The following PDE4D variants were observed in gnomAD, a reference collection of about 807,000 sequenced individuals.
The protein encoded by PDE4D is 3',5'-cyclic-AMP phosphodiesterase 4D.
Under a neutral mutation model 87.4 loss-of-function variants are expected in PDE4D, and 24 were observed. The ratio of observed to expected loss-of-function variants is 0.27; its 90% confidence interval spans 0.20 to 0.39. PDE4D has a LOEUF of 0.39. Ranked by LOEUF, PDE4D falls within the 10% of genes least tolerant of loss-of-function variation. The pLI is 1.00. For missense variants in PDE4D, 714 were observed against 1,041.0 expected (o/e 0.69, Z 4.32); for synonymous variants, 384 against 383.2 (o/e 1.00, Z -0.02).
At chr5:59,681,619 G>A (rs1749020028) in intron 1 of PDE4D, among the ~76,000 whole-genome samples, 1 of 152,002 alleles carries the variant, frequency 6.6e-6, no homozygotes, top group South Asian at 2.1e-4. Context: ...AATGAGTTTG[G>A]GCCAGGTGCG....
chr5:60,336,827 C>T (rs1757794101), intron 1 of PDE4D, among the ~76,000 whole-genome samples: 1 of 152,036 alleles, frequency 6.6e-6, no homozygotes, highest in Admixed American at 6.6e-5. Context: ...GGTTGGGTTG[C>T]CAGATAAAAT....
chr5:60,249,663 T>C (rs1748204125), intron 1 of PDE4D, among the ~76,000 whole-genome samples: 1 of 152,010 alleles, frequency 6.6e-6, no homozygotes, highest in Non-Finnish European at 1.5e-5. Flanking sequence ...AAATGAATAT[T>C]CCAAACCTAT....
chr5:59,801,386 C>G (rs528501832), intron 1 of PDE4D, among the ~76,000 whole-genome samples: 1 of 152,312 alleles, frequency 6.6e-6, no homozygotes, highest in Non-Finnish European at 1.5e-5. Context: ...ATTAGACTTA[C>G]TGACACCATC....
At chr5:59,209,140 C>T (rs750542544) in intron 2 of PDE4D, among the ~76,000 whole-genome samples, 16 of 152,124 alleles carry the variant, frequency 1.1e-4, no homozygotes, top group Non-Finnish European at 1.8e-4. Context: ...TAACTCCTAA[C>T]AAAATTCTCT....
intron 1 of PDE4D, among the ~76,000 whole-genome samples, chr5:59,387,237 T>C (rs1393351338): frequency 2.6e-5 from 4 of 152,190 alleles, no homozygotes; most frequent in African/African-American, 4.8e-5. Context: ...TTCCTGGATA[T>C]TTACAATATT....
chr5:59,633,520 T>G (rs1831841404), intron 1 of PDE4D, among the ~76,000 whole-genome samples: 1 of 152,162 alleles, frequency 6.6e-6, no homozygotes, highest in African/African-American at 2.4e-5. Context: ...GGGAAGCCCA[T>G]CAGACTAACA....
intron 3 of PDE4D, among the ~76,000 whole-genome samples, chr5:59,958,365 G>A (rs1759092228): frequency 6.6e-6 from 1 of 151,990 alleles, no homozygotes; most frequent in Non-Finnish European, 1.5e-5. Context: ...CTTCCAAAAG[G>A]ATATATTACC....
At chr5:60,061,399 G>A (rs1056427937) in intron 2 of PDE4D, among the ~76,000 whole-genome samples, 1 of 152,068 alleles carries the variant, frequency 6.6e-6, no homozygotes, top group African/African-American at 2.4e-5. Context: ...TCTTCAAGGA[G>A]AACTACAAAC....
At position 59,100,418 on chromosome 5, in the gene PDE4D, T is replaced by C. The variant is rs77916855; in HGVS notation, c.809-61447A>G. ...TTCTTTCGTTTATGGAGATTCCAAATGGTCTCCAAGGTATATGTCAATTAT... is the reference window on the plus strand; with the variant it reads ...TTCTTTCGTTTATGGAGATTCCAAACGGTCTCCAAGGTATATGTCAATTAT... On this transcript the variant is annotated intron_variant, in intron 5 of 14. Coordinates refer to ENST00000340635, the MANE Select transcript of PDE4D (RefSeq NM_001104631.2). Among the ~76,000 whole-genome samples, 483 of 152,288 alleles carry C rather than the reference T, an allele frequency of 3.2e-3. 1 individual carries two copies. Among genetic ancestry groups the C allele is most frequent in the African/African-American group, 0.011 (470 of 41,548 alleles).
intron 1 of PDE4D, among the ~76,000 whole-genome samples, chr5:60,476,306 G>T (rs946387800): frequency 6.6e-6 from 1 of 152,188 alleles, no homozygotes; most frequent in Non-Finnish European, 1.5e-5. Flanking sequence ...CCACAGGCTC[G>T]ACTTGGCAGA....
chr5:59,978,256 C>T (rs1318577515), intron 3 of PDE4D, among the ~76,000 whole-genome samples: 1 of 152,114 alleles, frequency 6.6e-6, no homozygotes. Context: ...AAGTCGAAAA[C>T]TTTCTGGACA....
At chr5:60,099,811 G>C (rs754020510) in intron 2 of PDE4D, among the ~76,000 whole-genome samples, 1 of 151,894 alleles carries the variant, frequency 6.6e-6, no homozygotes, top group Non-Finnish European at 1.5e-5. Context: ...ACTATAAAGG[G>C]AAATCTGGAA....
chr5:60,459,380 G>T (rs1368223833), intron 1 of PDE4D, among the ~76,000 whole-genome samples: 1 of 151,948 alleles, frequency 6.6e-6, no homozygotes, highest in Non-Finnish European at 1.5e-5. Flanking sequence ...ATCCCATTTT[G>T]TTTTTTAGTT....
intron 1 of PDE4D, among the ~76,000 whole-genome samples, chr5:60,229,071 T>C (rs1745499273): frequency 1.3e-5 from 2 of 152,150 alleles, no homozygotes; most frequent in South Asian, 4.1e-4. Flanking sequence ...AGTCTGCTGA[T>C]ACATCTAGAT....
intron 5 of PDE4D, among the ~76,000 whole-genome samples, chr5:59,093,559 T>G (rs908721992): frequency 2.6e-5 from 4 of 152,156 alleles, no homozygotes; most frequent in African/African-American, 9.6e-5. Flanking sequence ...ATCATGACCT[T>G]GGGGAAACAT....
At chr5:59,274,518 T>C (rs1764439407) in intron 1 of PDE4D, among the ~76,000 whole-genome samples, 1 of 152,148 alleles carries the variant, frequency 6.6e-6, no homozygotes, top group Non-Finnish European at 1.5e-5. Context: ...GTGTGAGGTA[T>C]GATTATTTCC....
chr5:59,290,335 T>A lies in PDE4D; in HGVS notation c.456-74367A>T, dbSNP rs112932866. Among the ~76,000 whole-genome samples, 50 of 152,132 alleles carry A rather than the reference T, an allele frequency of 3.3e-4. 2 individuals carry two copies. Among genetic ancestry groups the A allele is most frequent in the African/African-American group, 1.2e-3 (48 of 41,542 alleles). On this transcript the variant is annotated intron_variant, in intron 1 of 14. Transcript: ENST00000340635. ...GTATATACTTTGGGAAAAGACAGTC[T>A]CCTTAATAAATGGTGCTGGGAAAAC...
chr5:60,514,959 C>T (rs1750730650), intron 1 of PDE4D, among the ~76,000 whole-genome samples: 1 of 152,052 alleles, frequency 6.6e-6, no homozygotes, highest in Non-Finnish European at 1.5e-5. Context: ...TGAAGTGTTT[C>T]CATTAACCAC....
intron 1 of PDE4D, among the ~76,000 whole-genome samples, chr5:59,340,359 G>C (rs1347124857): frequency 6.6e-6 from 1 of 152,064 alleles, no homozygotes; most frequent in Non-Finnish European, 1.5e-5. Flanking sequence ...ATTACAAAAA[G>C]TTATTTTTAC....
Sources: allele counts gnomAD v4.1 joint callset (sites outside exome capture counted in the v4.1 genomes callset), GRCh38; gene constraint gnomAD v4.1.1; transcripts MANE v1.5; gene names NCBI Gene and HGNC (gene_info 2026-07-23, HGNC 2026-07-21).